Variants in AFF1 observed in about 807,000 individuals in gnomAD.
AFF1 encodes ALF transcription elongation factor 1, also known as AF4/FMR2 family member 1.
Under a neutral mutation model 121.7 loss-of-function variants are expected in AFF1, and 48 were observed. That is an observed-to-expected ratio of 0.39 (90% CI 0.31 to 0.50). The LOEUF is 0.50. Among genes scored for constraint, AFF1 ranks in the 20% least tolerant of loss-of-function variants. AFF1 has a pLI of 0.76. For missense variants in AFF1, 1,523 were observed against 1,511.7 expected (o/e 1.01, Z -0.12); for synonymous variants, 613 against 563.0 (o/e 1.09, Z -1.26).
At chr4:87,130,231 C>G (rs1403139048) in intron 16 of AFF1, among the ~76,000 whole-genome samples, 3 of 152,212 alleles carry the variant, frequency 2.0e-5, no homozygotes, top group African/African-American at 7.2e-5. Context: ...CCTCAGCCTC[C>G]CAAAGTGCTG....
At chr4:87,022,994 C>A (rs1041641250) in intron 2 of AFF1, among the ~76,000 whole-genome samples, 1 of 152,034 alleles carries the variant, frequency 6.6e-6, no homozygotes. Flanking sequence ...CATTAGACTC[C>A]TGGACTCAAG....
chr4:86,960,498 G>A (rs1461057904), intron 2 of AFF1, among the ~76,000 whole-genome samples: 2 of 152,122 alleles, frequency 1.3e-5, no homozygotes, highest in African/African-American at 2.4e-5. Context: ...TAAATTCTTA[G>A]CTCTTTGTAA....
At chr4:86,959,953 C>G (rs906358310) in intron 2 of AFF1, among the ~76,000 whole-genome samples, 1 of 152,132 alleles carries the variant, frequency 6.6e-6, no homozygotes, top group Non-Finnish European at 1.5e-5. Flanking sequence ...GGGCCAGGGC[C>G]TCGTTTGCAA....
rs1729522240 is a variant in AFF1 at position 87,139,082 on chromosome 4, T to C, written c.*3381T>C. ...TTTTTAGAAGCAAGAAGAAAGCCAT[T>C]GTGTCCTCTACAATTAACAAAACTT... On this transcript the variant is annotated 3_prime_UTR_variant, in exon 21 of 21. Transcript: ENST00000395146. 4.4e-6 allele frequency: 1 copy of C among 226,890 alleles called. No homozygotes were observed. The highest frequency in any genetic ancestry group is 2.2e-5 in the African/African-American group (1 of 45,052). 14.1% of individuals were successfully genotyped at this position (226,890 alleles called of 1,614,324 possible).
At chr4:87,051,670 A>G (rs1382729022) in intron 4 of AFF1, among the ~76,000 whole-genome samples, 1 of 151,932 alleles carries the variant, frequency 6.6e-6, no homozygotes, top group Non-Finnish European at 1.5e-5. Flanking sequence ...AGGTTTCACC[A>G]TGTTGGCCAG....
At chr4:87,012,580 A>G (rs1302446202) in intron 2 of AFF1, among the ~76,000 whole-genome samples, 2 of 152,124 alleles carry the variant, frequency 1.3e-5, no homozygotes, top group African/African-American at 4.8e-5. Flanking sequence ...CTGAAGTAGT[A>G]TTTTCTGTCT....
At chr4:87,134,923 A>C (rs187094795) in intron 20 of AFF1, among the ~76,000 whole-genome samples, 1 of 152,206 alleles carries the variant, frequency 6.6e-6, no homozygotes, top group Non-Finnish European at 1.5e-5. Context: ...CCAAAATACA[A>C]GTGGCTTTAG....
chr4:87,076,927 A>G (rs1722728695), intron 4 of AFF1, among the ~76,000 whole-genome samples: 1 of 152,244 alleles, frequency 6.6e-6, no homozygotes, highest in African/African-American at 2.4e-5. Context: ...ACACAATTTT[A>G]TGACAAACCT....
intron 2 of AFF1, among the ~76,000 whole-genome samples, chr4:86,966,162 ACAC>A (rs1237802659): frequency 6.6e-6 from 1 of 151,670 alleles, no homozygotes; most frequent in Non-Finnish European, 1.5e-5. Context: ...TCTTACCCAC[ACAC>A]ATACCCACAC....
Position 87,025,687 on chromosome 4 carries a change from T to C in AFF1, c.39-20479T>C, listed in dbSNP as rs138076162. Among the ~76,000 whole-genome samples, 3 of 152,274 alleles carry C rather than the reference T, an allele frequency of 2.0e-5. No individual in the cohort carries two copies. In the East Asian group the frequency reaches 5.8e-4, roughly 29 times the overall value. ...TGCTACCATCATCTCAGATAGAGGC[T>C]AGGGATGCTGCTAACGTCCTGCAAT... On this transcript the variant is annotated intron_variant, in intron 2 of 20. Coordinates refer to ENST00000395146, the MANE Select transcript of AFF1 (RefSeq NM_001166693.3).
At chr4:86,990,578 A>G (rs1427262476) in intron 2 of AFF1, among the ~76,000 whole-genome samples, 1 of 152,188 alleles carries the variant, frequency 6.6e-6, no homozygotes, top group Non-Finnish European at 1.5e-5. Context: ...CAACACTGCT[A>G]GCCATTAGTG....
In AFF1 at chr4:87,090,014, A is replaced by G; in HGVS notation, c.1135A>G (p.Thr379Ala). 1 of 1,613,808 alleles carries G rather than the reference A, an allele frequency of 6.2e-7. No individual in the cohort carries two copies. Among genetic ancestry groups the G allele is most frequent in the South Asian group, 1.1e-5 (1 of 91,066 alleles). ...GACCCATTCATGGCCGCCTCCTTTG[A>G]CAGCAATACATACGCCTAGTACAGC... is the stretch of plus-strand genomic sequence containing the variant. The part of the protein sequence containing the change: ...EMTHSWPPPL[T>A]AIHTPSTAEP... Residue 379 changes from threonine to alanine, a missense_variant, in exon 6 of 21, where the codon ACA becomes GCA. Physicochemically the swap from Thr to Ala is moderately conservative, Grantham distance 58. This residue lies in a region of AFF1 where 905 missense variants were observed against 842.5 expected (regional missense o/e 1.07). Coordinates refer to ENST00000395146, the MANE Select transcript of AFF1 (RefSeq NM_001166693.3).
Position 87,138,620 on chromosome 4 carries a change from A to G in AFF1, c.*2919A>G, listed in dbSNP as rs1247180169. On this transcript the variant is annotated 3_prime_UTR_variant, in exon 21 of 21. Transcript: ENST00000395146. ...TTGAATTTAAGAGCCCTGCTAAATA[A>G]TGAAAAAACACTTTACTAAAATTTA... 2 of 229,902 alleles carry G rather than the reference A, an allele frequency of 8.7e-6. No individual in the cohort carries two copies. The highest frequency in any genetic ancestry group is 1.7e-5 in the Non-Finnish European group (2 of 116,908). 14.2% of individuals were successfully genotyped at this position (229,902 alleles called of 1,614,324 possible). A position where few individuals can be genotyped will look rare whatever the true frequency, so the allele number is the denominator to read the frequency against.
At chr4:86,974,974 T>C (rs528045894) in intron 2 of AFF1, among the ~76,000 whole-genome samples, 1 of 152,330 alleles carries the variant, frequency 6.6e-6, no homozygotes, top group East Asian at 1.9e-4. Context: ...GCTATAAAGA[T>C]TTTTGTAAAA....
At chr4:87,072,358 G>A (rs867002270) in intron 4 of AFF1, among the ~76,000 whole-genome samples, 374 of 71,516 alleles carry the variant, frequency 5.2e-3, no homozygotes, top group South Asian at 0.023. Flanking sequence ...GCGAGACTCC[G>A]TCTCAAAAAA....
chr4:87,036,787 T>A (rs1729603960), intron 2 of AFF1: 1 of 515,080 alleles, frequency 1.9e-6, no homozygotes, highest in Non-Finnish European at 3.9e-6. Context: ...GAACATATTC[T>A]CTAATATGGC....
At chr4:87,062,414 C>T (rs889041387) in intron 4 of AFF1, among the ~76,000 whole-genome samples, 7 of 152,126 alleles carry the variant, frequency 4.6e-5, no homozygotes, top group African/African-American at 7.2e-5. Flanking sequence ...AAGCACCTCC[C>T]GGTAGCCCTG....
chr4:87,013,713 TAAACAAATAAAAA>T (rs1727028760), intron 2 of AFF1, among the ~76,000 whole-genome samples: 1 of 148,502 alleles, frequency 6.7e-6, no homozygotes, highest in Non-Finnish European at 1.5e-5. Flanking sequence ...GATTGGCAAC[TAAACAAATAAAAA>T]GTAAAAGGCT....
chr4:87,084,974 A>G (rs1169003095), intron 5 of AFF1, among the ~76,000 whole-genome samples: 1 of 152,222 alleles, frequency 6.6e-6, no homozygotes, highest in Non-Finnish European at 1.5e-5. Flanking sequence ...CCTTTTCTTC[A>G]GTGAGACGAT....
Sources: allele counts gnomAD v4.1 joint callset (sites outside exome capture counted in the v4.1 genomes callset), GRCh38; gene constraint gnomAD v4.1.1; regional missense constraint gnomAD v4.1.1; transcripts MANE v1.5; gene names NCBI Gene and HGNC (gene_info 2026-07-23, HGNC 2026-07-21).